Variants in NCKIPSD observed in about 807,000 individuals in gnomAD.
NCKIPSD encodes NCK interacting protein with SH3 domain.
Under a neutral mutation model 73.4 loss-of-function variants are expected in NCKIPSD, and 48 were observed. That is an observed-to-expected ratio of 0.65 (90% CI 0.52 to 0.83). NCKIPSD has a LOEUF of 0.83. NCKIPSD is among the 40% of genes least tolerant of loss of function. NCKIPSD has a pLI of 0.00. For missense variants in NCKIPSD, 884 were observed against 970.2 expected, an observed-to-expected ratio of 0.91 and a Z score of 1.18; for synonymous variants, 422 against 403.6, an observed-to-expected ratio of 1.05 and a Z score of -0.54.
rs376876824 is a variant in NCKIPSD at position 48,683,304 on chromosome 3, A to C, written c.172-292T>G. On this transcript the variant is annotated intron_variant, in intron 1 of 12. Transcript: ENST00000294129. ...AGATGTTTCTGAAAATCAGAGGTCT[A>C]AAGCAAAAACATAGCCCAGGGGCTC... Among the ~76,000 whole-genome samples, 62 of 152,340 alleles carry C rather than the reference A, an allele frequency of 4.1e-4. 1 individual carries two copies. Among genetic ancestry groups the C allele is most frequent in the African/African-American group, 1.5e-3 (61 of 41,578 alleles).
chr3:48,677,996 C>T (rs577236383), intron 12 of NCKIPSD, among the ~76,000 whole-genome samples: 1 of 152,290 alleles, frequency 6.6e-6, no homozygotes, highest in African/African-American at 2.4e-5. Flanking sequence ...ACACGACTCT[C>T]TATTTTCCCC....
rs1436121356 is a variant in NCKIPSD, at chr3:48,674,829, A to C, written c.1966-82T>G. 5 of 1,418,298 alleles carry C rather than the reference A, an allele frequency of 3.5e-6. No individual in the cohort carries two copies. The African/African-American group carries it at 5.6e-5, about 16-fold the overall frequency. 87.9% of individuals were successfully genotyped at this position (1,418,298 alleles called of 1,614,324 possible). A position where few individuals can be genotyped will look rare whatever the true frequency, so the allele number is the denominator to read the frequency against. On this transcript the variant is annotated intron_variant, in intron 12 of 12. Transcript: ENST00000294129. ...GACAGGGACAGGACCCCACTGTCCCACAGACCCCAGGGCTGTGGACCTGAA... is the reference window on the plus strand; with the variant it reads ...GACAGGGACAGGACCCCACTGTCCCCCAGACCCCAGGGCTGTGGACCTGAA...
intron 5 of NCKIPSD, 27 bp downstream of exon 5, chr3:48,681,256 AGGGT>A (rs776537929): frequency 1.4e-5 from 21 of 1,542,550 alleles, no homozygotes; most frequent in Non-Finnish European, 1.8e-5. Context: ...GGTGGGTAGC[AGGGT>A]GGCCCTGCTG....
chr3:48,681,556 C>T lies in NCKIPSD; in HGVS notation c.823G>A (p.Glu275Lys), dbSNP rs752837874. The change falls in exon 5 of 13, where the codon GAA (glutamate) becomes AAA (lysine). Residue 275 changes from glutamate to lysine, a missense_variant. Physicochemically the swap from Glu to Lys is moderately conservative, Grantham distance 56. Coordinates refer to ENST00000294129, the MANE Select transcript of NCKIPSD (RefSeq NM_016453.4). The stretch of plus-strand genomic sequence containing the variant: ...GCTGAGGTTGTACCAGTTGCCACTT[C>T]TTCTTCTGCAGGGGGTTCAGGTGCT... ...ASAPEPPAEE[E>K]VATGTTSASD... The T allele has an allele frequency of 1.5e-5, 24 of 1,613,972 alleles. No individual in the cohort carries two copies. In the South Asian group the frequency reaches 2.2e-4, roughly 15 times the overall value.
At position 48,678,563 on chromosome 3, in the gene NCKIPSD, C is replaced by T; in HGVS notation, c.1965+1G>A. On this transcript the variant is annotated splice_donor_variant, in intron 12 of 12. Transcript: ENST00000294129. LOFTEE classifies it high-confidence loss of function. ...CCGCTGCTGCAGCCACCTCCAGGCA[C>T]CTTGTCTCCTGGTGACAGGTCTGCG... is the stretch of plus-strand genomic sequence containing the variant. 6.2e-7 allele frequency: 1 copy of T among 1,607,554 alleles called. No individual in the cohort carries two copies. The highest frequency in any genetic ancestry group is 8.5e-7 in the Non-Finnish European group (1 of 1,176,260).
chr3:48,685,754 G>T lies in NCKIPSD; in HGVS notation c.54C>A (p.Phe18Leu), dbSNP rs1225046242. 6 of 1,533,216 alleles carry T rather than the reference G, an allele frequency of 3.9e-6. No homozygotes were observed. The highest frequency in any genetic ancestry group is 5.2e-6 in the Non-Finnish European group (6 of 1,148,628). The allele number at this position is 1,533,216 out of a possible 1,614,324, so 95.0% of individuals were successfully genotyped here. A position where few individuals can be genotyped will look rare whatever the true frequency, so the allele number is the denominator to read the frequency against. The change falls in exon 1 of 13, where the codon TTC becomes TTA. Residue 18 changes from phenylalanine to leucine, a missense_variant. Physicochemically the swap from Phe to Leu is conservative, Grantham distance 22. Coordinates refer to ENST00000294129, the MANE Select transcript of NCKIPSD (RefSeq NM_016453.4). Reference protein sequence around the residue: ...FRSAEPNALAFAAGETFLVLE... With the variant: ...FRSAEPNALALAAGETFLVLE... Reference sequence around the variant, plus strand: ...GCACCAGGAAGGTCTCGCCCGCGGCGAACGCCAGCGCGTTGGGCTCCGCCG... The same window carrying T: ...GCACCAGGAAGGTCTCGCCCGCGGCTAACGCCAGCGCGTTGGGCTCCGCCG...
At position 48,681,416 on chromosome 3, in the gene NCKIPSD, C is replaced by T. The variant is rs760346238; in HGVS notation, c.963G>A (p.Arg321=). The T allele has an allele frequency of 2.5e-6, 4 of 1,613,570 alleles. No individual in the cohort carries two copies. In the African/African-American group the frequency reaches 5.3e-5, roughly 22 times the overall value. Residue 321 remains arginine, a synonymous_variant, in exon 5 of 13, where the codon CGG becomes CGA. Coordinates refer to ENST00000294129, the MANE Select transcript of NCKIPSD (RefSeq NM_016453.4). ...ATTCGTGGCTCAGGCCAGTGTTTCT[C>T]CGCACCAGCTCCATCAGCTCGGCCC... is the stretch of plus-strand genomic sequence containing the variant. The part of the protein sequence containing the change: ...TIGAELMELV[R]RNTGLSHELC...
intron 12 of NCKIPSD, among the ~76,000 whole-genome samples, chr3:48,677,958 A>G (rs1367638592): frequency 6.6e-6 from 1 of 152,088 alleles, no homozygotes; most frequent in Admixed American, 6.5e-5. Flanking sequence ...TGTCTAGCAG[A>G]TATCTCCTCA....
At position 48,681,648 on chromosome 3, in the gene NCKIPSD, G is replaced by T. The variant is rs775951885; in HGVS notation, c.731C>A (p.Pro244Gln). 36 of 1,611,596 alleles carry T rather than the reference G, an allele frequency of 2.2e-5. No individual in the cohort carries two copies. In the East Asian group the frequency reaches 6.9e-4, roughly 31 times the overall value. Residue 244 changes from proline to glutamine, a missense_variant, in exon 5 of 13, where the codon CCA (proline) becomes CAA (glutamine). Transcript: ENST00000294129. ...GTGGGTGCCTCGGCGGGGCACAGGTGGGGGTGTGGGTGAGCAGCTGGAGCC... is the reference window on the plus strand; with the variant it reads ...GTGGGTGCCTCGGCGGGGCACAGGTTGGGGTGTGGGTGAGCAGCTGGAGCC... ...EPGSSCSPTP[P>Q]PVPRRGTHTT... is the part of the protein sequence containing the mutation.
In NCKIPSD at chr3:48,681,473, T is replaced by C; in HGVS notation, c.906A>G (p.Ala302=). 3.7e-6 allele frequency: 6 copies of C among 1,614,164 alleles called. No individual in the cohort carries two copies. The highest frequency in any genetic ancestry group is 4.2e-6 in the Non-Finnish European group (5 of 1,180,032). Residue 302 remains alanine (A), a synonymous_variant, in exon 5 of 13, where the codon GCA becomes GCG. Transcript: ENST00000294129. Reference sequence around the variant, plus strand: ...TCCTGGGCACAGCCGCCTCAGCTGCTGCCTTCTCCTCTGTGGTCCCCAGGC... The same window carrying C: ...TCCTGGGCACAGCCGCCTCAGCTGCCGCCTTCTCCTCTGTGGTCCCCAGGC... ...TLSLGTTEEK[A]AAEAAVPRTI... is the part of the protein sequence containing the mutation.
rs1262626575 is a variant in NCKIPSD, at chr3:48,678,611, T to C, written c.1918A>G (p.Ile640Val). 2.5e-6 allele frequency: 4 copies of C among 1,614,040 alleles called. No individual in the cohort carries two copies. The highest frequency in any genetic ancestry group is 3.4e-6 in the Non-Finnish European group (4 of 1,180,018). ...IFYHTDMMAL[I>V]DITVRHIADL... is the part of the protein sequence containing the mutation. ...GCGATGTGCCGCACAGTGATGTCAATGAGAGCCATCATGTCTGTGTGGTAG... is the reference window on the plus strand; with the variant it reads ...GCGATGTGCCGCACAGTGATGTCAACGAGAGCCATCATGTCTGTGTGGTAG... The change falls in exon 12 of 13, where the codon ATT (isoleucine) becomes GTT (valine). Residue 640 changes from isoleucine to valine, a missense_variant. Transcript: ENST00000294129.
In NCKIPSD at chr3:48,683,017, G is replaced by A. The variant is rs375304871; in HGVS notation, c.172-5C>T. ...GAGGACATCCTGCTCCAGGCCCTGG[G>A]GGGGGCAGGGGACAGCAGTTAGACC... On this transcript the variant is annotated splice_polypyrimidine_tract_variant and splice_region_variant and intron_variant, in intron 1 of 12. Coordinates refer to ENST00000294129, the MANE Select transcript of NCKIPSD (RefSeq NM_016453.4). 47 of 1,549,542 alleles carry A rather than the reference G, an allele frequency of 3.0e-5. No homozygotes were observed. The highest frequency in any genetic ancestry group is 5.9e-5 in the Admixed American group (3 of 50,988).
At chr3:48,684,019 C>CACACACACACACACACACACACAGAG (rs563262573) in intron 1 of NCKIPSD, among the ~76,000 whole-genome samples, 6 of 141,254 alleles carry the variant, frequency 4.2e-5, no homozygotes, top group African/African-American at 1.7e-4. Flanking sequence ...CACACACACA[C>CACACACACACACACACACACACAGAG]AGAGAGAGAG....
intron 1 of NCKIPSD, among the ~76,000 whole-genome samples, chr3:48,685,354 C>G (rs1251937829): frequency 6.6e-6 from 1 of 152,050 alleles, no homozygotes; most frequent in African/African-American, 2.4e-5. Context: ...GGACTCGATA[C>G]TGAAGGGTCT....
In NCKIPSD at chr3:48,674,641, A is replaced by C. The variant is rs1393623146; in HGVS notation, c.2072T>G (p.Leu691Arg). The C allele has an allele frequency of 6.2e-7, 1 of 1,613,748 alleles. No individual in the cohort carries two copies. Among genetic ancestry groups the C allele is most frequent in the Non-Finnish European group, 8.5e-7 (1 of 1,179,878 alleles). ...CTGGGGTGAGGTCTCCTCCTCATTCAGGATGCGTCGCAGTATGGCCTGCAG... is the reference window on the plus strand; with the variant it reads ...CTGGGGTGAGGTCTCCTCCTCATTCCGGATGCGTCGCAGTATGGCCTGCAG... Reference protein sequence around the residue: ...PDLQAILRRILNEEETSPQCQ... With the variant: ...PDLQAILRRIRNEEETSPQCQ... Residue 691 changes from leucine to arginine, a missense_variant, in exon 13 of 13, where the codon CTG becomes CGG. Transcript: ENST00000294129.
At position 48,682,098 on chromosome 3, in the gene NCKIPSD, G is replaced by A. The variant is rs775305129; in HGVS notation, c.545C>T (p.Pro182Leu). 17 of 1,601,508 alleles carry A rather than the reference G, an allele frequency of 1.1e-5. No homozygotes were observed. The highest frequency in any genetic ancestry group is 1.6e-4 in the Middle Eastern group (1 of 6,082). ...PQPRRAAPTT[P>L]PPPVKRRDRE... is the part of the protein sequence containing the mutation. ...GTCTCGGCGCTTCACTGGTGGGGGC[G>A]GTGTGGTGGGTGCTGCTCGGCGAGG... The change falls in exon 4 of 13, where the codon CCG (proline) becomes CTG (leucine). Residue 182 changes from proline (P) to leucine (L), a missense_variant. Transcript: ENST00000294129.
rs1484369636 is a variant in NCKIPSD at position 48,674,187 on chromosome 3, C to G, written c.*357G>C. The G allele has an allele frequency of 2.5e-6, 3 of 1,189,776 alleles. No individual in the cohort carries two copies. The East Asian group carries it at 1.1e-4, about 46-fold the overall frequency. The allele number at this position is 1,189,776 out of a possible 1,614,324, so 73.7% of individuals were successfully genotyped here. A position where few individuals can be genotyped will look rare whatever the true frequency, so the allele number is the denominator to read the frequency against. On this transcript the variant is annotated 3_prime_UTR_variant, in exon 13 of 13. Transcript: ENST00000294129. ...CCCAGGGGCATGGCTTGCTGAGGCC[C>G]AGGATACAGACCAGGAGGGGTGGGG... is the stretch of plus-strand genomic sequence containing the variant.
intron 11 of NCKIPSD, 69 bp from the exon 12 acceptor site, chr3:48,678,805 C>T (rs2077298510): frequency 8.1e-6 from 13 of 1,612,330 alleles, no homozygotes; most frequent in South Asian, 3.3e-5. Context: ...CAGGGGGTTA[C>T]GGGAGTCATT....
At position 48,682,227 on chromosome 3, in the gene NCKIPSD, C is replaced by T. The variant is rs1261381638; in HGVS notation, c.487-71G>A. On this transcript the variant is annotated intron_variant, in intron 3 of 12. Transcript: ENST00000294129. ...GCGTCAGCGAGGCTCGGGCCCTGAG[C>T]CCTGGCTGTGGGCAGGACTATGGCT... is the stretch of plus-strand genomic sequence containing the variant. 1.9e-5 allele frequency: 30 copies of T among 1,564,878 alleles called. No individual in the cohort carries two copies. The Admixed American group carries it at 3.7e-4, about 19-fold the overall frequency.
Sources: gnomAD v4.1 joint callset for allele counts (sites outside exome capture counted in the v4.1 genomes callset) on GRCh38, gnomAD v4.1.1 for gene constraint, MANE v1.5 for transcripts, NCBI Gene and HGNC (gene_info 2026-07-23, HGNC 2026-07-21) for gene names.